PRKCB: variants seen among roughly 807,000 people sequenced by gnomAD.
PRKCB encodes protein kinase C beta type.
In PRKCB, 13 loss-of-function variants were observed where a neutral mutation model predicts 81.5. The observed-to-expected ratio is 0.16, with a 90% CI of 0.10 to 0.25. The LOEUF (loss-of-function observed/expected upper bound fraction) is 0.25. Among genes scored for constraint, PRKCB ranks in the 10% least tolerant of loss-of-function variants. PRKCB has a pLI of 1.00. For missense variants in PRKCB, 509 were observed against 875.7 expected (o/e 0.58, Z 5.29); for synonymous variants, 335 against 321.4 (o/e 1.04, Z -0.45).
chr16:23,989,598 T>C (rs575035835), intron 3 of PRKCB, among the ~76,000 whole-genome samples: 20 of 152,300 alleles, frequency 1.3e-4, no homozygotes, highest in African/African-American at 4.6e-4. Flanking sequence ...GATAAGGATA[T>C]AGAATTTCCT....
intron 16 of PRKCB, among the ~76,000 whole-genome samples, chr16:24,210,148 C>T (rs576260163): frequency 1.6e-4 from 24 of 152,120 alleles, no homozygotes; most frequent in Non-Finnish European, 2.4e-4. Context: ...ACAAAACATA[C>T]GTCATCATAT....
At chr16:24,061,336 C>T (rs1309846977) in intron 5 of PRKCB, among the ~76,000 whole-genome samples, 1 of 152,220 alleles carries the variant, frequency 6.6e-6, no homozygotes, top group African/African-American at 2.4e-5. Context: ...GCTGGGATTA[C>T]AGGCATGAGC....
chr16:24,216,180 G>T lies in PRKCB; in HGVS notation c.*1364G>T. On this transcript the variant is annotated 3_prime_UTR_variant, in exon 17 of 17. Transcript: ENST00000643927. ...GGGGGCTGTGGCCCATTCAGGGGCT[G>T]CTGGTGGGCTGTAGTGGGGTGGGAT... The T allele has an allele frequency of 3.0e-6, 3 of 985,488 alleles. No homozygotes were observed. Among genetic ancestry groups the T allele is most frequent in the Non-Finnish European group, 3.6e-6 (3 of 830,010 alleles). The allele number at this position is 985,488 out of a possible 1,614,324, so 61.0% of individuals were successfully genotyped here.
chr16:24,013,715 T>C (rs1965236302), intron 3 of PRKCB, among the ~76,000 whole-genome samples: 1 of 151,348 alleles, frequency 6.6e-6, no homozygotes, highest in African/African-American at 2.4e-5. Context: ...TCAATACCTG[T>C]CTGTTCAGCA....
At chr16:23,976,447 T>A (rs1365545463) in intron 2 of PRKCB, among the ~76,000 whole-genome samples, 1 of 152,142 alleles carries the variant, frequency 6.6e-6, no homozygotes, top group Non-Finnish European at 1.5e-5. Flanking sequence ...GTGTCCTGAG[T>A]CACACGCCCA....
Position 24,113,039 on chromosome 16 carries a change from G to A in PRKCB, c.888G>A (p.Glu296=), listed in dbSNP as rs748062707. The change falls in exon 8 of 17, where the codon GAG becomes GAA. Residue 296 remains glutamate, a synonymous_variant. Transcript: ENST00000643927. The part of the protein sequence containing the change: ...FNVPVPPEGS[E]ANEELRQKFE... ...TGCCTGTGCCACCAGAAGGAAGTGAGGCCAATGAAGAACTGCGGCAGAAAT... is the reference window on the plus strand; with the variant it reads ...TGCCTGTGCCACCAGAAGGAAGTGAAGCCAATGAAGAACTGCGGCAGAAAT... 1.9e-6 allele frequency: 3 copies of A among 1,612,742 alleles called. No individual in the cohort carries two copies. The highest frequency in any genetic ancestry group is 1.7e-5 in the Admixed American group (1 of 59,902).
At chr16:24,113,839 T>C (rs372693305) in intron 8 of PRKCB, among the ~76,000 whole-genome samples, 7 of 152,172 alleles carry the variant, frequency 4.6e-5, no homozygotes, top group African/African-American at 1.7e-4. Context: ...CATTCAGGCT[T>C]AGACATTTCT....
At chr16:23,924,600 A>G (rs1963872510) in intron 2 of PRKCB, among the ~76,000 whole-genome samples, 1 of 152,020 alleles carries the variant, frequency 6.6e-6, no homozygotes. Flanking sequence ...ACAAGCCTCT[A>G]ATATTTATCT....
At chr16:23,853,233 A>G (rs1370902056) in intron 2 of PRKCB, among the ~76,000 whole-genome samples, 2 of 152,244 alleles carry the variant, frequency 1.3e-5, no homozygotes, top group African/African-American at 4.8e-5. Flanking sequence ...ACAAACCTTG[A>G]AGTCTCTGTG....
At chr16:23,931,345 GCC>G (rs1248199809) in intron 2 of PRKCB, among the ~76,000 whole-genome samples, 2 of 152,294 alleles carry the variant, frequency 1.3e-5, no homozygotes, top group East Asian at 3.9e-4. Context: ...AGACCAGGAG[GCC>G]TCCAGACAAG....
chr16:23,943,376 A>T (rs760276714), intron 2 of PRKCB, among the ~76,000 whole-genome samples: 5 of 152,154 alleles, frequency 3.3e-5, no homozygotes, highest in African/African-American at 7.2e-5. Flanking sequence ...AAAGTTAAAC[A>T]ATACTAACCA....
intron 5 of PRKCB, among the ~76,000 whole-genome samples, chr16:24,083,287 G>T (rs1567368346): frequency 6.6e-6 from 1 of 152,156 alleles, no homozygotes; most frequent in South Asian, 2.1e-4. Context: ...AAGTGTGGCA[G>T]CTTCTTATAA....
At position 24,219,303 on chromosome 16, in the gene PRKCB, G is replaced by A. The variant is rs1968282955; in HGVS notation, c.*4487G>A. ...GCTCCCCTTACACACCCTCCTTTAA[G>A]CTTTGGGTTTTCTCTCTTATAGTTT... is the stretch of plus-strand genomic sequence containing the variant. On this transcript the variant is annotated 3_prime_UTR_variant, in exon 17 of 17. Coordinates refer to ENST00000643927, the MANE Select transcript of PRKCB (RefSeq NM_002738.7). The A allele has an allele frequency of 5.1e-6, 5 of 976,588 alleles. No homozygotes were observed. The highest frequency in any genetic ancestry group is 6.0e-6 in the Non-Finnish European group (5 of 828,408). 60.5% of individuals were successfully genotyped at this position (976,588 alleles called of 1,614,324 possible).
chr16:24,047,861 G>C (rs1255596675), intron 5 of PRKCB, among the ~76,000 whole-genome samples: 1 of 152,228 alleles, frequency 6.6e-6, no homozygotes, highest in Non-Finnish European at 1.5e-5. Context: ...AGCACTGTGG[G>C]GTCAGAATCT....
At position 24,217,427 on chromosome 16, in the gene PRKCB, TG is replaced by T. The variant is rs1968245580; in HGVS notation, c.*2614del. 13 of 985,440 alleles carry T rather than the reference TG, an allele frequency of 1.3e-5. No individual in the cohort carries two copies. The highest frequency in any genetic ancestry group is 1.4e-5 in the Non-Finnish European group (12 of 829,932). The allele number at this position is 985,440 out of a possible 1,614,324, so 61.0% of individuals were successfully genotyped here. A position where few individuals can be genotyped will look rare whatever the true frequency, so the allele number is the denominator to read the frequency against. On this transcript the variant is annotated 3_prime_UTR_variant, in exon 17 of 17. Coordinates refer to ENST00000643927, the MANE Select transcript of PRKCB (RefSeq NM_002738.7). ...AACAAGGACCTTCTTGGGGGATTAA[TG>T]GGAGGTCAGTAGAATTAATAACCCT...
In PRKCB at chr16:23,949,509, G is replaced by A. The variant is rs375429519; in HGVS notation, c.206-38999G>A. On this transcript the variant is annotated intron_variant, in intron 2 of 16. Transcript: ENST00000643927. ...CTGGGGGTCCAACTTCCTCCGTTCT[G>A]CCCCTCTTTTTTCTCTACCTTCTAT... Among the ~76,000 whole-genome samples, 6 of 152,290 alleles carry A rather than the reference G, an allele frequency of 3.9e-5. No homozygotes were observed. The South Asian group carries it at 6.2e-4, about 16-fold the overall frequency.
At chr16:23,911,409 T>G (rs1044399439) in intron 2 of PRKCB, among the ~76,000 whole-genome samples, 2 of 152,014 alleles carry the variant, frequency 1.3e-5, no homozygotes, top group Non-Finnish European at 2.9e-5. Flanking sequence ...ATTACAGGCA[T>G]GCGCTACCAT....
intron 13 of PRKCB, among the ~76,000 whole-genome samples, chr16:24,184,486 A>C (rs1967673418): frequency 6.6e-6 from 1 of 152,112 alleles, no homozygotes; most frequent in African/African-American, 2.4e-5. Flanking sequence ...AAGAAAAAAA[A>C]TCGTCCAAAT....
At chr16:24,135,182 C>T (rs951827709) in intron 9 of PRKCB, among the ~76,000 whole-genome samples, 2 of 151,992 alleles carry the variant, frequency 1.3e-5, no homozygotes, top group African/African-American at 4.8e-5. Context: ...GTTCCAGCTC[C>T]AGCATCTCAA....
Sources: gnomAD v4.1 joint callset for allele counts (sites outside exome capture counted in the v4.1 genomes callset) on GRCh38, gnomAD v4.1.1 for gene constraint, MANE v1.5 for transcripts, NCBI Gene and HGNC (gene_info 2026-07-23, HGNC 2026-07-21) for gene names.